Variants in PHF14 observed in about 807,000 individuals in gnomAD.
PHF14 encodes the protein PHD finger protein 14.
Under a neutral mutation model 117.9 loss-of-function variants are expected in PHF14, and 55 were observed. The observed-to-expected ratio is 0.47, with a 90% CI of 0.38 to 0.58. The LOEUF is 0.58. Among genes scored for constraint, PHF14 ranks in the 20% least tolerant of loss-of-function variants. The pLI is 0.00. For missense variants in PHF14, 978 were observed against 1,122.2 expected (o/e 0.87, Z 1.84); for synonymous variants, 409 against 368.6 (o/e 1.11, Z -1.26).
intron 17 of PHF14, among the ~76,000 whole-genome samples, chr7:11,134,744 T>C (rs1014749202): frequency 3.3e-5 from 5 of 152,080 alleles, no homozygotes; most frequent in Admixed American, 2.0e-4. Flanking sequence ...AATCTTGTCA[T>C]TAAATCTGTT....
chr7:11,010,505 A>G (rs1477831766), intron 4 of PHF14, among the ~76,000 whole-genome samples: 2 of 152,028 alleles, frequency 1.3e-5, no homozygotes, highest in Admixed American at 6.6e-5. Context: ...GATACATATA[A>G]TTATGTATTA....
At chr7:11,052,457 A>T (rs1784877472) in intron 14 of PHF14, among the ~76,000 whole-genome samples, 1 of 152,100 alleles carries the variant, frequency 6.6e-6, no homozygotes. Flanking sequence ...TATTCCTATA[A>T]ATATCTCCTG....
At position 11,028,752 on chromosome 7, in the gene PHF14, C is replaced by T. The variant is rs1311740276; in HGVS notation, c.1389C>T (p.Cys463=). 2 of 1,613,544 alleles carry T rather than the reference C, an allele frequency of 1.2e-6. No individual in the cohort carries two copies. Among genetic ancestry groups the T allele is most frequent in the East Asian group, 4.5e-5 (2 of 44,886 alleles). The change falls in exon 7 of 18, where the codon TGC becomes TGT. Residue 463 remains cysteine, a synonymous_variant. Transcript: ENST00000634607. The stretch of plus-strand genomic sequence containing the variant: ...GCATTAGCTGTGATGCAGGGATGTG[C>T]AGAGCCTATTTCCATGTGACCTGTG... ...GVCISCDAGM[C]RAYFHVTCAQ...
At chr7:11,104,806 A>G in intron 16 of PHF14, 1 of 740,798 alleles carries the variant, frequency 1.3e-6, no homozygotes, top group Non-Finnish European at 1.6e-6. Context: ...TTGCATTTCT[A>G]ACAAGTTCCC....
intron 17 of PHF14, among the ~76,000 whole-genome samples, chr7:11,166,281 G>C (rs1046058910): frequency 4.0e-5 from 6 of 151,828 alleles, no homozygotes; most frequent in African/African-American, 1.2e-4. Context: ...CATGTAGCCA[G>C]GGTCTTCTTT....
chr7:11,092,165 A>T (rs1033516937), intron 16 of PHF14, among the ~76,000 whole-genome samples: 2 of 152,090 alleles, frequency 1.3e-5, no homozygotes, highest in African/African-American at 4.8e-5. Context: ...AATATTTGTA[A>T]TTTGTCTTTT....
At position 11,051,788 on chromosome 7, in the gene PHF14, ATTT is replaced by A; in HGVS notation, c.2481+12_2481+14del. The stretch of plus-strand genomic sequence containing the variant: ...ATTCCGATAAGAAACACGGTAGTTT[ATTT>A]TTTATTTATCATAAGCATCATACAA... On this transcript the variant is annotated intron_variant, in intron 14 of 17. Transcript: ENST00000634607. The A allele has an allele frequency of 6.2e-7, 1 of 1,611,308 alleles. No homozygotes were observed. Among genetic ancestry groups the A allele is most frequent in the Non-Finnish European group, 8.5e-7 (1 of 1,178,190 alleles).
At chr7:11,121,181 A>G (rs1294945025) in intron 17 of PHF14, among the ~76,000 whole-genome samples, 1 of 152,144 alleles carries the variant, frequency 6.6e-6, no homozygotes, top group Non-Finnish European at 1.5e-5. Context: ...CCTTTTTATT[A>G]TATACATGTG....
chr7:10,998,408 T>C (rs556559910), intron 4 of PHF14, among the ~76,000 whole-genome samples: 29 of 152,250 alleles, frequency 1.9e-4, no homozygotes, highest in Non-Finnish European at 1.0e-4. Context: ...AGGAAACATA[T>C]ACCTAAAATA....
At chr7:11,077,371 G>C (rs1261002419) in intron 16 of PHF14, among the ~76,000 whole-genome samples, 2 of 151,746 alleles carry the variant, frequency 1.3e-5, no homozygotes, top group Admixed American at 6.6e-5. Flanking sequence ...GGGAGGCTGA[G>C]GTGGGCAGAT....
intron 17 of PHF14, among the ~76,000 whole-genome samples, chr7:11,140,676 C>G (rs1231152923): frequency 2.6e-5 from 4 of 151,902 alleles, no homozygotes; most frequent in Non-Finnish European, 5.9e-5. Flanking sequence ...AAAGAGACTA[C>G]CATTTCAAGC....
intron 16 of PHF14, among the ~76,000 whole-genome samples, chr7:11,064,409 T>C (rs1785351032): frequency 6.6e-6 from 1 of 151,980 alleles, no homozygotes; most frequent in Non-Finnish European, 1.5e-5. Context: ...AGGATTTATT[T>C]TCTCTACAGA....
Position 11,031,488 on chromosome 7 carries a change from C to T in PHF14, c.1455+2670C>T, listed in dbSNP as rs569067600. Among the ~76,000 whole-genome samples the T allele has an allele frequency of 1.3e-4, 19 of 151,798 alleles. No homozygotes were observed. In the East Asian group the frequency reaches 3.1e-3, roughly 25 times the overall value. Reference sequence around the variant, plus strand: ...GACTATAGGGCTGGGTGCAGTGGCTCATGCCTGTAATCTCAACACTTTGGG... The same window carrying T: ...GACTATAGGGCTGGGTGCAGTGGCTTATGCCTGTAATCTCAACACTTTGGG... On this transcript the variant is annotated intron_variant, in intron 7 of 17. Coordinates refer to ENST00000634607, the MANE Select transcript of PHF14 (RefSeq NM_001007157.2).
At chr7:11,054,154 G>A (rs920082209) in intron 14 of PHF14, among the ~76,000 whole-genome samples, 1 of 151,940 alleles carries the variant, frequency 6.6e-6, no homozygotes, top group African/African-American at 2.4e-5. Context: ...GTGGTGCTAA[G>A]TTTGGAAATG....
intron 12 of PHF14, 126 bp downstream of exon 12, chr7:11,040,901 G>A: frequency 2.1e-6 from 1 of 484,614 alleles, no homozygotes; most frequent in East Asian, 3.5e-5. Context: ...AAGTGCATTT[G>A]AAGTTCATTT....
chr7:11,114,100 T>C (rs1787525281), intron 17 of PHF14, among the ~76,000 whole-genome samples: 1 of 152,128 alleles, frequency 6.6e-6, no homozygotes, highest in Non-Finnish European at 1.5e-5. Flanking sequence ...AAGGAAGTAA[T>C]CAATTGCAAA....
At chr7:11,040,626 A>C (rs780891104) in intron 11 of PHF14, 46 bp from the exon 12 acceptor site, 2 of 1,039,392 alleles carry the variant, frequency 1.9e-6, no homozygotes, top group Non-Finnish European at 2.7e-6. Context: ...TGTTGCTTTT[A>C]TTTCTTTCTT....
At chr7:11,061,577 A>G (rs1785222807) in intron 14 of PHF14, 1 of 345,852 alleles carries the variant, frequency 2.9e-6, no homozygotes, top group Non-Finnish European at 5.2e-6. Context: ...GTAAAGTACT[A>G]TAAAGTATAT....
At chr7:11,031,871 A>G (rs1361641509) in intron 7 of PHF14, among the ~76,000 whole-genome samples, 1 of 152,228 alleles carries the variant, frequency 6.6e-6, no homozygotes, top group African/African-American at 2.4e-5. Flanking sequence ...TTATAGTCCA[A>G]GTAAGCCATA....
Sources: allele counts gnomAD v4.1 joint callset (sites outside exome capture counted in the v4.1 genomes callset), GRCh38; gene constraint gnomAD v4.1.1; transcripts MANE v1.5; gene names NCBI Gene and HGNC (gene_info 2026-07-23, HGNC 2026-07-21).